CNTNAP2: variants seen among roughly 807,000 people sequenced by gnomAD.
CNTNAP2 encodes the protein contactin-associated protein-like 2.
In CNTNAP2, 98 loss-of-function variants were observed where a neutral mutation model predicts 155.2. That is an observed-to-expected ratio of 0.63 (90% CI 0.54 to 0.75). CNTNAP2 has a LOEUF of 0.75. Among genes scored for constraint, CNTNAP2 ranks in the 30% least tolerant of loss-of-function variants. CNTNAP2 has a pLI of 0.00. For missense variants in CNTNAP2, 1,727 were observed against 1,688.1 expected (o/e 1.02, Z -0.40); for synonymous variants, 651 against 631.2 (o/e 1.03, Z -0.47).
rs1384181884 is a variant in CNTNAP2, at chr7:146,816,923, T to C, written c.209-22788T>C. 4.6e-5 allele frequency among the ~76,000 whole-genome samples: 7 copies of C among 152,290 alleles called. No homozygotes were observed. The South Asian group carries it at 8.3e-4, about 18-fold the overall frequency. On this transcript the variant is annotated intron_variant, in intron 2 of 23. Coordinates refer to ENST00000361727, the MANE Select transcript of CNTNAP2 (RefSeq NM_014141.6). ...CTGAGTTTACCTGAGGAAAATATCA[T>C]AGATAATAAGTTCCCAATAAAAGCT...
chr7:146,890,582 T>C (rs1795754666), intron 3 of CNTNAP2, among the ~76,000 whole-genome samples: 1 of 152,208 alleles, frequency 6.6e-6, no homozygotes, highest in South Asian at 2.1e-4. Flanking sequence ...CTTTTGCTAA[T>C]CAAGCATGTA....
intron 9 of CNTNAP2, among the ~76,000 whole-genome samples, chr7:147,344,555 A>G (rs1418087707): frequency 6.6e-6 from 1 of 152,206 alleles, no homozygotes; most frequent in East Asian, 1.9e-4. Flanking sequence ...GAATGATCTG[A>G]AAGGTATATA....
chr7:148,086,110 G>A (rs17547411), intron 15 of CNTNAP2, among the ~76,000 whole-genome samples: 9,458 of 152,240 alleles, frequency 0.062, 360 homozygotes, highest in Admixed American at 0.12. Context: ...AGGAAGTTTA[G>A]TTTGCCCAAC....
chr7:146,306,858 A>G (rs1033803041), intron 1 of CNTNAP2, among the ~76,000 whole-genome samples: 1 of 152,148 alleles, frequency 6.6e-6, no homozygotes, highest in Non-Finnish European at 1.5e-5. Flanking sequence ...TTTATGACAA[A>G]CCCACAGCCA....
chr7:147,576,092 T>TATC (rs1418475536), intron 12 of CNTNAP2, among the ~76,000 whole-genome samples: 6 of 104,744 alleles, frequency 5.7e-5, no homozygotes, highest in Admixed American at 5.0e-4. Context: ...TATAAATTAC[T>TATC]ATTATTATTA....
chr7:147,933,333 C>A (rs1236671927), intron 14 of CNTNAP2, among the ~76,000 whole-genome samples: 1 of 151,994 alleles, frequency 6.6e-6, no homozygotes, highest in Non-Finnish European at 1.5e-5. Flanking sequence ...TTTACTCCCC[C>A]AAAATTAAAA....
chr7:147,830,976 A>G (rs902647647), intron 13 of CNTNAP2, among the ~76,000 whole-genome samples: 2 of 152,196 alleles, frequency 1.3e-5, no homozygotes, highest in Non-Finnish European at 2.9e-5. Context: ...TACCAATTGC[A>G]TTACCATAGC....
chr7:148,309,260 A>G (rs1797547894), intron 21 of CNTNAP2, among the ~76,000 whole-genome samples: 1 of 152,180 alleles, frequency 6.6e-6, no homozygotes, highest in Non-Finnish European at 1.5e-5. Context: ...TGATAAGACT[A>G]TTGTATGTAG....
chr7:148,213,567 A>C (rs1795584652), intron 18 of CNTNAP2, among the ~76,000 whole-genome samples: 1 of 151,540 alleles, frequency 6.6e-6, no homozygotes, highest in Admixed American at 6.6e-5. Context: ...CCCAGCCTCC[A>C]TCTCTAGCCT....
intron 21 of CNTNAP2, among the ~76,000 whole-genome samples, chr7:148,371,450 C>T (rs1220916330): frequency 6.6e-6 from 1 of 152,158 alleles, no homozygotes; most frequent in Non-Finnish European, 1.5e-5. Context: ...ATAATGTCCT[C>T]TTGAGTGGAG....
rs560602919 is a variant in CNTNAP2 at position 148,213,992 on chromosome 7, C to A, written c.3011-3296C>A. Among the ~76,000 whole-genome samples the A allele has an allele frequency of 2.4e-4, 37 of 152,344 alleles. 1 individual carries two copies. In the East Asian group the frequency reaches 7.1e-3, roughly 29 times the overall value. ...CCTCAGACTTCAGACCCTCTCACTG[C>A]CAATACACTGTGCCTTCAGCTAGAA... On this transcript the variant is annotated intron_variant, in intron 18 of 23. Transcript: ENST00000361727.
At position 147,128,649 on chromosome 7, in the gene CNTNAP2, A is replaced by G. The variant is rs541651743; in HGVS notation, c.940-44A>G. 1.6e-5 allele frequency: 26 copies of G among 1,610,958 alleles called. No individual in the cohort carries two copies. In the Admixed American group the frequency reaches 3.8e-4, roughly 24 times the overall value. Reference sequence around the variant, plus strand: ...TATTCATAGTTTTGTCTAGTTCATCATAATACAATGTGGACGTTTACATTT... The same window carrying G: ...TATTCATAGTTTTGTCTAGTTCATCGTAATACAATGTGGACGTTTACATTT... On this transcript the variant is annotated intron_variant, in intron 6 of 23. Coordinates refer to ENST00000361727, the MANE Select transcript of CNTNAP2 (RefSeq NM_014141.6).
In CNTNAP2 at chr7:147,851,119, A is replaced by G. The variant is rs958010222; in HGVS notation, c.2099-52446A>G. Among the ~76,000 whole-genome samples the G allele has an allele frequency of 3.5e-4, 54 of 152,372 alleles. 4 individuals are homozygous for G. Among genetic ancestry groups the G allele is most frequent in the East Asian group, 3.5e-3 (18 of 5,192 alleles). ...ATCAACAAGTGGGCGAAGGACATGA[A>G]CAGACACTTCTCAAAAGAAGACATT... is the stretch of plus-strand genomic sequence containing the variant. On this transcript the variant is annotated intron_variant, in intron 13 of 23. Transcript: ENST00000361727.
At chr7:147,266,510 T>C (rs117758639) in intron 8 of CNTNAP2, among the ~76,000 whole-genome samples, 22 of 152,296 alleles carry the variant, frequency 1.4e-4, no homozygotes, top group African/African-American at 4.1e-4. Flanking sequence ...GTGCTCTGAG[T>C]ATCTGGATGG....
intron 1 of CNTNAP2, among the ~76,000 whole-genome samples, chr7:146,146,726 T>A (rs1797963198): frequency 6.6e-6 from 1 of 152,154 alleles, no homozygotes; most frequent in African/African-American, 2.4e-5. Flanking sequence ...GCAAATGCCT[T>A]AAACATTTAT....
At chr7:146,524,972 A>G (rs999849632) in intron 1 of CNTNAP2, among the ~76,000 whole-genome samples, 2 of 152,138 alleles carry the variant, frequency 1.3e-5, no homozygotes, top group African/African-American at 4.8e-5. Flanking sequence ...TCTAAAAATG[A>G]GAGCCTGCCA....
At chr7:147,744,438 C>T (rs1179847462) in intron 13 of CNTNAP2, among the ~76,000 whole-genome samples, 2 of 152,106 alleles carry the variant, frequency 1.3e-5, no homozygotes, top group African/African-American at 4.8e-5. Context: ...ACTTTATATG[C>T]CAGTGGTTCA....
At chr7:147,961,582 A>T (rs1486896009) in intron 14 of CNTNAP2, among the ~76,000 whole-genome samples, 1 of 152,190 alleles carries the variant, frequency 6.6e-6, no homozygotes, top group Admixed American at 6.6e-5. Context: ...AATAGAAGAC[A>T]TTAAATAAAT....
chr7:146,266,893 T>A (rs1800002670), intron 1 of CNTNAP2, among the ~76,000 whole-genome samples: 2 of 152,060 alleles, frequency 1.3e-5, no homozygotes, highest in South Asian at 4.1e-4. Flanking sequence ...TGAATTTTTT[T>A]TTTTTTTTTT....
Sources: gnomAD v4.1 joint callset for allele counts (sites outside exome capture counted in the v4.1 genomes callset) on GRCh38, gnomAD v4.1.1 for gene constraint, MANE v1.5 for transcripts, NCBI Gene and HGNC (gene_info 2026-07-23, HGNC 2026-07-21) for gene names.